Variants in GJB7 observed in about 807,000 individuals in gnomAD.
GJB7 encodes gap junction beta-7 protein.
For synonymous variants in GJB7, 87 were observed against 95.2 expected (o/e 0.91, Z 0.50); for missense variants, 253 against 256.8 (o/e 0.99, Z 0.10).
At chr6:87,312,174 T>A (rs1186032248) in intron 2 of GJB7, among the ~76,000 whole-genome samples, 1 of 152,098 alleles carries the variant, frequency 6.6e-6, no homozygotes, top group Non-Finnish European at 1.5e-5. Context: ...TATGCTTTTC[T>A]ATTCATATGT....
chr6:87,328,393 T>C (rs12197407), intron 1 of GJB7, among the ~76,000 whole-genome samples: 56,021 of 151,580 alleles, frequency 0.37, 12,004 homozygotes, highest in Non-Finnish European at 0.48. Flanking sequence ...TTATCTACTT[T>C]TTGTCTTTGT....
intron 2 of GJB7, chr6:87,322,541 G>A (rs1352031985): frequency 6.6e-6 from 1 of 152,322 alleles, no homozygotes. Flanking sequence ...TGTGGCGCCG[G>A]GCGGGGCGCC....
intron 2 of GJB7, among the ~76,000 whole-genome samples, chr6:87,293,191 C>T (rs1462683375): frequency 6.6e-6 from 1 of 152,114 alleles, no homozygotes; most frequent in Non-Finnish European, 1.5e-5. Flanking sequence ...GCCACCACGC[C>T]CAGCTAATTT....
intron 1 of GJB7, among the ~76,000 whole-genome samples, chr6:87,326,631 A>C (rs28873727): frequency 3.5e-5 from 5 of 142,720 alleles, no homozygotes; most frequent in Admixed American, 7.0e-5. Context: ...GGTCTGAGAG[A>C]TAGTTTGTTA....
At chr6:87,291,773 A>T (rs1776178246) in intron 2 of GJB7, among the ~76,000 whole-genome samples, 1 of 152,236 alleles carries the variant, frequency 6.6e-6, no homozygotes, top group Admixed American at 6.5e-5. Context: ...GAACTTTTTA[A>T]AAAGTAATGA....
At chr6:87,310,527 A>C (rs1776501182) in intron 2 of GJB7, among the ~76,000 whole-genome samples, 1 of 152,154 alleles carries the variant, frequency 6.6e-6, no homozygotes, top group Non-Finnish European at 1.5e-5. Flanking sequence ...GTGAGGGATG[A>C]AAGACTACAC....
chr6:87,325,863 C>T (rs1482996998), intron 1 of GJB7, among the ~76,000 whole-genome samples: 1 of 152,238 alleles, frequency 6.6e-6, no homozygotes, highest in Non-Finnish European at 1.5e-5. Flanking sequence ...CCTTGTACCT[C>T]TGTTAGAATT....
intron 2 of GJB7, among the ~76,000 whole-genome samples, chr6:87,314,274 C>A (rs945562805): frequency 1.3e-5 from 2 of 152,142 alleles, no homozygotes; most frequent in African/African-American, 2.4e-5. Context: ...CCCTCCCTAC[C>A]CAAGGGTGTG....
intron 2 of GJB7, among the ~76,000 whole-genome samples, chr6:87,320,389 C>A (rs1776638749): frequency 6.6e-6 from 1 of 152,072 alleles, no homozygotes; most frequent in Non-Finnish European, 1.5e-5. Context: ...ACATATTTAC[C>A]AAAGCTTTAC....
chr6:87,301,858 A>T (rs1475040323), intron 2 of GJB7, among the ~76,000 whole-genome samples: 1 of 152,162 alleles, frequency 6.6e-6, no homozygotes, highest in Non-Finnish European at 1.5e-5. Flanking sequence ...AGGCAGCAAC[A>T]TTTGCTGTTC....
chr6:87,323,134 C>CAGT (rs1776712233), intron 1 of GJB7, 91 bp from the exon 2 acceptor site: 1 of 150,672 alleles, frequency 6.6e-6, no homozygotes, highest in Non-Finnish European at 1.5e-5. Flanking sequence ...CGGCACCGAA[C>CAGT]AGTAGTCCAT....
chr6:87,306,045 T>C (rs1670081519), intron 2 of GJB7, among the ~76,000 whole-genome samples: 1 of 151,766 alleles, frequency 6.6e-6, no homozygotes, highest in African/African-American at 2.4e-5. Context: ...ATTAAAGACT[T>C]AAACGTTAGA....
At chr6:87,286,302 G>A (rs1294982487) in intron 2 of GJB7, among the ~76,000 whole-genome samples, 1 of 152,042 alleles carries the variant, frequency 6.6e-6, no homozygotes, top group Non-Finnish European at 1.5e-5. Flanking sequence ...TTATTGAATG[G>A]CATCACCAAC....
chr6:87,314,197 C>T (rs1776550080), intron 2 of GJB7, among the ~76,000 whole-genome samples: 1 of 152,072 alleles, frequency 6.6e-6, no homozygotes, highest in South Asian at 2.1e-4. Flanking sequence ...AATATAAGGC[C>T]ATTAGAACAT....
At chr6:87,325,479 G>T (rs1442848696) in intron 1 of GJB7, among the ~76,000 whole-genome samples, 1 of 103,488 alleles carries the variant, frequency 9.7e-6, no homozygotes, top group East Asian at 2.5e-4. Context: ...AGCATGAAGG[G>T]TTATTGAATT....
chr6:87,327,306 C>T (rs1043109577), intron 1 of GJB7, among the ~76,000 whole-genome samples: 4 of 150,742 alleles, frequency 2.7e-5, no homozygotes, highest in African/African-American at 9.8e-5. Flanking sequence ...TTGATCCTGT[C>T]ATTATGTTAG....
chr6:87,302,617 CAGG>C (rs1324698938), intron 2 of GJB7, among the ~76,000 whole-genome samples: 1 of 152,218 alleles, frequency 6.6e-6, no homozygotes, highest in African/African-American at 2.4e-5. Flanking sequence ...GGATATTATG[CAGG>C]AGAACTTCCC....
At chr6:87,317,939 G>A (rs1776606172) in intron 2 of GJB7, among the ~76,000 whole-genome samples, 1 of 151,818 alleles carries the variant, frequency 6.6e-6, no homozygotes, top group South Asian at 2.1e-4. Context: ...CACTTTTAAG[G>A]TACTTTAAGA....
At chr6:87,320,208 T>C (rs1356894367) in intron 2 of GJB7, among the ~76,000 whole-genome samples, 2 of 152,218 alleles carry the variant, frequency 1.3e-5, no homozygotes, top group African/African-American at 4.8e-5. Context: ...ATCCTCGATG[T>C]GGTGGATACC....
Sources: gnomAD v4.1 joint callset for allele counts (sites outside exome capture counted in the v4.1 genomes callset) on GRCh38, gnomAD v4.1.1 for gene constraint, MANE v1.5 for transcripts, NCBI Gene and HGNC (gene_info 2026-07-23, HGNC 2026-07-21) for gene names.